The following LRRC8D variants were observed in gnomAD, a reference collection of about 807,000 sequenced individuals.
LRRC8D encodes the protein leucine rich repeat containing 8 VRAC subunit D.
LRRC8D carries 20 observed loss-of-function variants against 55.8 expected under a neutral mutation model. The observed-to-expected ratio is 0.36, with a 90% CI of 0.25 to 0.52. LRRC8D has a LOEUF of 0.52. Among genes scored for constraint, LRRC8D ranks in the 20% least tolerant of loss-of-function variants. The pLI, the probability that LRRC8D is intolerant of heterozygous loss-of-function variation, is 0.93. For missense variants in LRRC8D, 651 were observed against 1,030.8 expected (o/e 0.63, Z 5.05); for synonymous variants, 352 against 377.0 (o/e 0.93, Z 0.77).
At chr1:89,839,834 G>A (rs1033053632) in intron 1 of LRRC8D, among the ~76,000 whole-genome samples, 4 of 152,168 alleles carry the variant, frequency 2.6e-5, no homozygotes, top group African/African-American at 9.7e-5. Context: ...TAAAATCCAT[G>A]TGTAATAATC....
intron 2 of LRRC8D, among the ~76,000 whole-genome samples, chr1:89,876,658 C>T (rs540319701): frequency 4.6e-5 from 7 of 152,250 alleles, no homozygotes; most frequent in African/African-American, 1.4e-4. Context: ...GTTAGTTAAC[C>T]GTGGTCTACA....
At position 89,935,474 on chromosome 1, in the gene LRRC8D, G is replaced by A; in HGVS notation, c.2406G>A (p.Gln802=). Residue 802 remains glutamine, a synonymous_variant, in exon 3 of 3, where the codon CAG becomes CAA. Coordinates refer to ENST00000337338, the MANE Select transcript of LRRC8D (RefSeq NM_001134479.2). ...TTGGTCAGCTCTCCCAGCTCACTCA[G>A]CTGGAGCTGAAGGGGAACTGCTTGG... ...EKVGQLSQLT[Q]LELKGNCLDR... 1.9e-6 allele frequency: 3 copies of A among 1,614,246 alleles called. No individual in the cohort carries two copies. Among genetic ancestry groups the A allele is most frequent in the East Asian group, 2.2e-5 (1 of 44,888 alleles).
intron 2 of LRRC8D, among the ~76,000 whole-genome samples, chr1:89,902,338 G>C (rs1402223358): frequency 6.6e-6 from 1 of 151,982 alleles, no homozygotes. Context: ...TGGACTGTTG[G>C]CTGTTTCCCA....
At chr1:89,890,074 C>A (rs1410517938) in intron 2 of LRRC8D, among the ~76,000 whole-genome samples, 2 of 152,166 alleles carry the variant, frequency 1.3e-5, no homozygotes, top group Non-Finnish European at 2.9e-5. Flanking sequence ...GTAGTCCCAG[C>A]TACTTGGGAG....
chr1:89,838,447 T>C (rs963088510), intron 1 of LRRC8D, among the ~76,000 whole-genome samples: 5 of 152,170 alleles, frequency 3.3e-5, no homozygotes, highest in Admixed American at 2.6e-4. Flanking sequence ...AAGCAGATAC[T>C]ACCACAGAAG....
intron 2 of LRRC8D, among the ~76,000 whole-genome samples, chr1:89,868,176 C>T (rs1661900008): frequency 1.3e-5 from 2 of 152,104 alleles, no homozygotes; most frequent in Admixed American, 6.5e-5. Context: ...AATACATAAG[C>T]CATCTATACA....
At chr1:89,902,724 C>T (rs1042240994) in intron 2 of LRRC8D, among the ~76,000 whole-genome samples, 3 of 151,938 alleles carry the variant, frequency 2.0e-5, no homozygotes, top group South Asian at 2.1e-4. Context: ...GGGTTTTCAC[C>T]ATGTTTAGCC....
At chr1:89,896,640 G>C (rs1557473154) in intron 2 of LRRC8D, among the ~76,000 whole-genome samples, 2 of 152,168 alleles carry the variant, frequency 1.3e-5, no homozygotes, top group Non-Finnish European at 2.9e-5. Flanking sequence ...CCAGCACAGA[G>C]GTCAGGACTG....
chr1:89,821,770 C>T (rs921572497), intron 1 of LRRC8D, among the ~76,000 whole-genome samples: 12 of 152,134 alleles, frequency 7.9e-5, no homozygotes, highest in African/African-American at 2.2e-4. Flanking sequence ...CCTCCGCTTC[C>T]TTCCTGTGCA....
At chr1:89,848,544 A>C (rs191562991) in intron 2 of LRRC8D, among the ~76,000 whole-genome samples, 158 of 152,220 alleles carry the variant, frequency 1.0e-3, no homozygotes, top group Non-Finnish European at 1.8e-3. Context: ...TGGAAATCTA[A>C]TAGGGTTATT....
At chr1:89,874,023 A>T (rs1662088015) in intron 2 of LRRC8D, among the ~76,000 whole-genome samples, 1 of 152,246 alleles carries the variant, frequency 6.6e-6, no homozygotes, top group Non-Finnish European at 1.5e-5. Context: ...CAAAAATCAC[A>T]AATGGGATAG....
chr1:89,935,155 T>C lies in LRRC8D; in HGVS notation c.2087T>C (p.Val696Ala), dbSNP rs1187514243. The change falls in exon 3 of 3, where the codon GTT (valine) becomes GCT (alanine). Residue 696 changes from valine to alanine, a missense_variant. Val to Ala is a moderately conservative substitution (Grantham distance 64). This residue lies in a region of LRRC8D where 338 missense variants were observed against 479.4 expected (regional missense o/e 0.71). Transcript: ENST00000337338. ...TTAAAATTATGGCATAACAAAATTG[T>C]TACTATTCCTCCCTCTATTACCCAT... ...TCLKLWHNKI[V>A]TIPPSITHVK... 6.2e-7 allele frequency: 1 copy of C among 1,614,090 alleles called. No individual in the cohort carries two copies. Among genetic ancestry groups the C allele is most frequent in the African/African-American group, 1.3e-5 (1 of 74,924 alleles).
In LRRC8D at chr1:89,911,425, C is replaced by T. The variant is rs183693641; in HGVS notation, c.-2-21642C>T. 2.0e-5 allele frequency among the ~76,000 whole-genome samples: 3 copies of T among 152,100 alleles called. No homozygotes were observed. The highest frequency in any genetic ancestry group is 3.9e-4 in the East Asian group (2 of 5,172). ...GTTTTATGAAGTCATAGCAACATGC[C>T]GCATACTTGAGTTATAGCTCCTTGT... On this transcript the variant is annotated intron_variant, in intron 2 of 2. Transcript: ENST00000337338. This position sits in a 1 kb window ranked among gnomAD's most constrained non-coding sequence, Gnocchi z 4.0.
At chr1:89,895,773 T>C (rs1365853768) in intron 2 of LRRC8D, among the ~76,000 whole-genome samples, 1 of 152,176 alleles carries the variant, frequency 6.6e-6, no homozygotes, top group Non-Finnish European at 1.5e-5. Context: ...TTTTCATGAT[T>C]TTAGTAATCT....
chr1:89,893,650 T>C (rs1662633096), intron 2 of LRRC8D, among the ~76,000 whole-genome samples: 1 of 152,232 alleles, frequency 6.6e-6, no homozygotes, highest in African/African-American at 2.4e-5. Context: ...ACATACGTTA[T>C]TGTTCTGAAT....
At chr1:89,918,010 G>A (rs1234984524) in intron 2 of LRRC8D, among the ~76,000 whole-genome samples, 1 of 152,168 alleles carries the variant, frequency 6.6e-6, no homozygotes, top group Non-Finnish European at 1.5e-5. Context: ...CTTTCTCCAG[G>A]AATTTGCATA....
chr1:89,844,197 G>C (rs1661216936), intron 2 of LRRC8D, among the ~76,000 whole-genome samples: 1 of 152,232 alleles, frequency 6.6e-6, no homozygotes, highest in South Asian at 2.1e-4. Context: ...GAGGCAGGGT[G>C]GTGGGAGGGT....
chr1:89,837,325 A>C (rs1348620040), intron 1 of LRRC8D, among the ~76,000 whole-genome samples: 1 of 152,166 alleles, frequency 6.6e-6, no homozygotes, highest in Non-Finnish European at 1.5e-5. Flanking sequence ...GCCCCTAGAC[A>C]AGTGGTTACA....
chr1:89,891,080 C>T (rs1040349381), intron 2 of LRRC8D, among the ~76,000 whole-genome samples: 1 of 152,124 alleles, frequency 6.6e-6, no homozygotes, highest in African/African-American at 2.4e-5. Context: ...CGGGGTTTCA[C>T]CGTGTTAGCC....
Sources: gnomAD v4.1 joint callset for allele counts (sites outside exome capture counted in the v4.1 genomes callset) on GRCh38, gnomAD v4.1.1 for gene constraint, gnomAD v4.1.1 regional missense constraint, Gnocchi (gnomAD v3.1) non-coding constraint, MANE v1.5 for transcripts, NCBI Gene and HGNC (gene_info 2026-07-23, HGNC 2026-07-21) for gene names.